Variants in WDFY4 observed in about 807,000 individuals in gnomAD.
The protein encoded by WDFY4 is WDFY family member 4.
WDFY4 carries 169 observed loss-of-function variants against 351.9 expected under a neutral mutation model. That is an observed-to-expected ratio of 0.48 (90% CI 0.42 to 0.55). The LOEUF (loss-of-function observed/expected upper bound fraction) is 0.55, where lower values mean the gene tolerates loss of function less well. Ranked by LOEUF, WDFY4 falls within the 20% of genes least tolerant of loss-of-function variation. The probability of loss-of-function intolerance (pLI) is 0.00; values close to 1 mark genes in which losing one functional copy is unlikely to be tolerated. For missense variants in WDFY4, 3,803 were observed against 3,935.6 expected (o/e 0.97, Z 0.90); for synonymous variants, 1,622 against 1,574.6 (o/e 1.03, Z -0.71).
chr10:48,719,061 C>T (rs773896842), intron 2 of WDFY4, among the ~76,000 whole-genome samples: 1 of 152,076 alleles, frequency 6.6e-6, no homozygotes, highest in Non-Finnish European at 1.5e-5. Flanking sequence ...GAACTAAAGC[C>T]AGAAAATGTA....
chr10:48,876,266 A>G (rs1395193374), intron 42 of WDFY4, among the ~76,000 whole-genome samples: 4 of 152,246 alleles, frequency 2.6e-5, no homozygotes, highest in Non-Finnish European at 4.4e-5. Context: ...AGAAAAGATA[A>G]TGAAAGTAAA....
intron 19 of WDFY4, 37 bp downstream of exon 19, chr10:48,780,156 C>T (rs910006352): frequency 6.5e-6 from 10 of 1,549,038 alleles, no homozygotes; most frequent in Non-Finnish European, 8.7e-6. Flanking sequence ...TGCCCCACAA[C>T]CATACCTCCT....
At chr10:48,698,918 A>C (rs1238133736) in intron 1 of WDFY4, among the ~76,000 whole-genome samples, 3 of 152,162 alleles carry the variant, frequency 2.0e-5, no homozygotes, top group African/African-American at 7.2e-5. Flanking sequence ...AGTGGACTGG[A>C]GACTCAGGGA....
chr10:48,937,769 G>A (rs1407655715), intron 47 of WDFY4, among the ~76,000 whole-genome samples: 2 of 152,226 alleles, frequency 1.3e-5, no homozygotes, highest in Admixed American at 6.5e-5. Flanking sequence ...TGGTTTGAAA[G>A]GGTACGTCTG....
chr10:48,869,844 C>T (rs1219974831), intron 40 of WDFY4, among the ~76,000 whole-genome samples: 1 of 152,192 alleles, frequency 6.6e-6, no homozygotes, highest in Non-Finnish European at 1.5e-5. Context: ...CTCTAGTTTT[C>T]TTCTCTTGTT....
At chr10:48,853,826 G>A (rs2069037536) in intron 39 of WDFY4, among the ~76,000 whole-genome samples, 1 of 152,136 alleles carries the variant, frequency 6.6e-6, no homozygotes, top group South Asian at 2.1e-4. Context: ...GACTGTGTTA[G>A]CTCATAGCTA....
intron 51 of WDFY4, among the ~76,000 whole-genome samples, chr10:48,956,369 G>T (rs1841589121): frequency 6.6e-6 from 1 of 152,060 alleles, no homozygotes; most frequent in Non-Finnish European, 1.5e-5. Flanking sequence ...TCCACCCTCA[G>T]ACCCATTCTC....
chr10:48,846,515 G>A (rs1021957492), intron 39 of WDFY4, among the ~76,000 whole-genome samples: 1 of 152,242 alleles, frequency 6.6e-6, no homozygotes, highest in African/African-American at 2.4e-5. Flanking sequence ...AACTAGAGCA[G>A]GTGCTGTGAA....
Position 48,823,171 on chromosome 10 carries a change from T to G in WDFY4, c.5982+634T>G. 2.3e-6 allele frequency: 3 copies of G among 1,302,284 alleles called. No homozygotes were observed. In the South Asian group the frequency reaches 3.7e-5, roughly 16 times the overall value. The allele number at this position is 1,302,284 out of a possible 1,614,324, so 80.7% of individuals were successfully genotyped here. A position where few individuals can be genotyped will look rare whatever the true frequency, so the allele number is the denominator to read the frequency against. The stretch of plus-strand genomic sequence containing the variant: ...AATTCCAGCATTGAAAGAGACCTTT[T>G]TTTTTTTTAGATCTCAGCCCCATTA... On this transcript the variant is annotated intron_variant, in intron 35 of 61. Coordinates refer to ENST00000325239, the MANE Select transcript of WDFY4 (RefSeq NM_001394531.1).
At chr10:48,942,794 G>A (rs1361114189) in intron 48 of WDFY4, among the ~76,000 whole-genome samples, 1 of 152,212 alleles carries the variant, frequency 6.6e-6, no homozygotes, top group Non-Finnish European at 1.5e-5. Context: ...TACGGGCCCT[G>A]TCTCCATTTG....
intron 19 of WDFY4, among the ~76,000 whole-genome samples, chr10:48,785,121 A>C (rs1432569224): frequency 6.6e-6 from 1 of 152,078 alleles, no homozygotes; most frequent in East Asian, 1.9e-4. Flanking sequence ...CGGCCTCCCA[A>C]AGTGCTGGGA....
intron 51 of WDFY4, among the ~76,000 whole-genome samples, chr10:48,952,484 G>T (rs1841375769): frequency 1.3e-5 from 2 of 152,208 alleles, no homozygotes; most frequent in Non-Finnish European, 2.9e-5. Flanking sequence ...AAAAGCACGT[G>T]CAATAGAGAC....
intron 13 of WDFY4, among the ~76,000 whole-genome samples, chr10:48,767,051 C>T (rs1297705023): frequency 6.6e-6 from 1 of 152,134 alleles, no homozygotes; most frequent in Non-Finnish European, 1.5e-5. Flanking sequence ...AATTTATGAC[C>T]CATATGAGAT....
chr10:48,964,052 C>G lies in WDFY4; in HGVS notation c.8434C>G (p.Gln2812Glu), dbSNP rs1208389318. The G allele has an allele frequency of 6.5e-7, 1 of 1,549,690 alleles. No homozygotes were observed. Among genetic ancestry groups the G allele is most frequent in the Admixed American group, 2.0e-5 (1 of 51,006 alleles). The change falls in exon 54 of 62, where the codon CAG becomes GAG. Residue 2812 changes from glutamine to glutamate, a missense_variant and splice_region_variant. This residue lies in a region of WDFY4 where 3,054 missense variants were observed against 3,148.6 expected (regional missense o/e 0.97). Coordinates refer to ENST00000325239, the MANE Select transcript of WDFY4 (RefSeq NM_001394531.1). ...CAGCAACTTTGGACAGGTGCCCAAA[C>G]AGGTACAGCATGCCTTGTCATTTGC... ...FVSNFGQVPK[Q>E]LFTKPHPART...
chr10:48,880,793 G>A (rs1487320113), intron 43 of WDFY4, among the ~76,000 whole-genome samples: 1 of 152,178 alleles, frequency 6.6e-6, no homozygotes, highest in East Asian at 1.9e-4. Flanking sequence ...GGGGAATTGT[G>A]GGAAAGGCTG....
chr10:48,835,343 G>C (rs572491867), intron 39 of WDFY4, among the ~76,000 whole-genome samples: 82 of 152,248 alleles, frequency 5.4e-4, no homozygotes, highest in African/African-American at 1.6e-3. Context: ...AGGATGCCTT[G>C]GAGCAGAGGA....
In WDFY4 at chr10:48,901,710, C is replaced by T. The variant is rs1474264207; in HGVS notation, c.7524-91C>T. On this transcript the variant is annotated intron_variant, in intron 46 of 61. Coordinates refer to ENST00000325239, the MANE Select transcript of WDFY4 (RefSeq NM_001394531.1). ...GGAGCGAGGGGGAGCAATAATGAGCCTAGCTTCCTGCCTGACTCCGGAAAT... is the reference window on the plus strand; with the variant it reads ...GGAGCGAGGGGGAGCAATAATGAGCTTAGCTTCCTGCCTGACTCCGGAAAT... The T allele has an allele frequency of 1.5e-5, 21 of 1,399,616 alleles. No homozygotes were observed. In the South Asian group the frequency reaches 2.6e-4, roughly 17 times the overall value. The allele number at this position is 1,399,616 out of a possible 1,614,324, so 86.7% of individuals were successfully genotyped here. A position where few individuals can be genotyped will look rare whatever the true frequency, so the allele number is the denominator to read the frequency against.
intron 1 of WDFY4, among the ~76,000 whole-genome samples, chr10:48,694,214 G>A (rs919980023): frequency 4.6e-5 from 7 of 152,176 alleles, no homozygotes; most frequent in Admixed American, 6.5e-5. Context: ...AGTTTGGAGG[G>A]TGAGGAATCA....
chr10:48,961,250 C>T (rs911552156), intron 53 of WDFY4, among the ~76,000 whole-genome samples: 1 of 152,196 alleles, frequency 6.6e-6, no homozygotes, highest in African/African-American at 2.4e-5. Context: ...AGTACTTGGG[C>T]CAGAGATGAA....
Sources: gnomAD v4.1 joint callset for allele counts (sites outside exome capture counted in the v4.1 genomes callset) on GRCh38, gnomAD v4.1.1 for gene constraint, gnomAD v4.1.1 regional missense constraint, MANE v1.5 for transcripts, NCBI Gene and HGNC (gene_info 2026-07-23, HGNC 2026-07-21) for gene names.